Variants in TENM2 observed in about 807,000 individuals in gnomAD.
The protein encoded by TENM2 is teneurin-2.
TENM2 carries 52 observed loss-of-function variants against 245.2 expected under a neutral mutation model. The observed-to-expected ratio is 0.21, with a 90% CI of 0.17 to 0.27. TENM2 has a LOEUF of 0.27. Ranked by LOEUF, TENM2 falls within the 10% of genes least tolerant of loss-of-function variation. TENM2 has a pLI of 1.00. For synonymous variants in TENM2, 1,363 were observed against 1,438.9 expected, an observed-to-expected ratio of 0.95 and a Z score of 1.19; for missense variants, 3,046 against 3,666.8, an observed-to-expected ratio of 0.83 and a Z score of 4.37.
At chr5:167,438,805 C>T (rs62388829) in intron 2 of TENM2, among the ~76,000 whole-genome samples, 96,562 of 151,834 alleles carry the variant, frequency 0.64, 30,904 homozygotes, top group South Asian at 0.72. Context: ...TGATAGTTTG[C>T]TTTTTGAGAC....
the TENM2 span, among the ~76,000 whole-genome samples, chr5:167,094,646 G>A: frequency 1.3e-5 from 2 of 152,158 alleles, no homozygotes; most frequent in Non-Finnish European, 2.9e-5. Context: ...TGTTGAAATG[G>A]TTTAAGTCTT....
chr5:167,684,060 C>T (rs1443719979), intron 2 of TENM2, among the ~76,000 whole-genome samples: 8 of 152,200 alleles, frequency 5.3e-5, no homozygotes, highest in Admixed American at 3.3e-4. Flanking sequence ...ACCACCAGTG[C>T]CAGCTTCTCT....
chr5:167,942,877 T>C (rs1052682950), intron 3 of TENM2, among the ~76,000 whole-genome samples: 2 of 152,248 alleles, frequency 1.3e-5, no homozygotes, highest in African/African-American at 4.8e-5. Flanking sequence ...TTGAGCCATG[T>C]AGTCTTAGGC....
intron 2 of TENM2, among the ~76,000 whole-genome samples, chr5:167,580,031 G>C (rs1312076749): frequency 6.6e-6 from 1 of 152,194 alleles, no homozygotes; most frequent in African/African-American, 2.4e-5. Context: ...TTATAGGCTT[G>C]AAACTGAATG....
chr5:167,840,544 C>G (rs1769407877), intron 2 of TENM2, among the ~76,000 whole-genome samples: 1 of 152,040 alleles, frequency 6.6e-6, no homozygotes, highest in Non-Finnish European at 1.5e-5. Flanking sequence ...CCTCCTTCCT[C>G]CCCCAGCCCC....
chr5:168,051,984 G>A (rs965854392), intron 6 of TENM2, among the ~76,000 whole-genome samples: 1 of 152,120 alleles, frequency 6.6e-6, no homozygotes, highest in Non-Finnish European at 1.5e-5. Context: ...GACCAACCAG[G>A]TGCAGTGGCT....
chr5:167,777,092 AG>A (rs1763860152), intron 2 of TENM2, among the ~76,000 whole-genome samples: 1 of 152,172 alleles, frequency 6.6e-6, no homozygotes, highest in Non-Finnish European at 1.5e-5. Flanking sequence ...TAGAAGGGGG[AG>A]GGTTATTAAA....
the TENM2 span, among the ~76,000 whole-genome samples, chr5:167,182,360 C>T: frequency 1.2e-4 from 18 of 151,918 alleles, no homozygotes; most frequent in Non-Finnish European, 2.1e-4. Context: ...TTTATATTTT[C>T]TTGAGAGACT....
intron 2 of TENM2, among the ~76,000 whole-genome samples, chr5:167,810,776 C>A (rs1766579173): frequency 6.6e-6 from 1 of 152,144 alleles, no homozygotes; most frequent in Non-Finnish European, 1.5e-5. Flanking sequence ...AAGAAATTGC[C>A]ATTAAAGCAA....
At chr5:167,198,932 G>A in the TENM2 span, among the ~76,000 whole-genome samples, 9 of 151,858 alleles carry the variant, frequency 5.9e-5, no homozygotes, top group East Asian at 1.9e-4. Flanking sequence ...CTGGTGAGCC[G>A]TGCTTGGTCT....
In TENM2 at chr5:168,022,364, T is replaced by C. The variant is rs1786226759; in HGVS notation, c.1187-25063T>C. The stretch of plus-strand genomic sequence containing the variant: ...ATTGTGAACATCAATAGTTATTGAA[T>C]TGGTTTTGTCCCAAGGCTTCTTAAA... On this transcript the variant is annotated intron_variant, in intron 5 of 28. Coordinates refer to ENST00000518659, the Ensembl canonical transcript of TENM2. Among the ~76,000 whole-genome samples, 3 of 152,246 alleles carry C rather than the reference T, an allele frequency of 2.0e-5. No homozygotes were observed. In the South Asian group the frequency reaches 6.2e-4, roughly 32 times the overall value.
At chr5:167,828,547 T>C (rs1478577409) in intron 2 of TENM2, among the ~76,000 whole-genome samples, 1 of 152,222 alleles carries the variant, frequency 6.6e-6, no homozygotes, top group East Asian at 1.9e-4. Flanking sequence ...TAATATATCC[T>C]GAATAAATAT....
the TENM2 span, among the ~76,000 whole-genome samples, chr5:167,222,934 A>G: frequency 6.6e-6 from 1 of 152,222 alleles, no homozygotes; most frequent in African/African-American, 2.4e-5. Flanking sequence ...TATTTCATTT[A>G]TAATTTAAAG....
At chr5:167,693,339 A>T (rs867369880) in intron 2 of TENM2, among the ~76,000 whole-genome samples, 26 of 152,274 alleles carry the variant, frequency 1.7e-4, no homozygotes, top group Middle Eastern at 6.8e-3. Context: ...TTAATATGTT[A>T]AAAAAATTCC....
intron 2 of TENM2, among the ~76,000 whole-genome samples, chr5:167,415,340 A>G (rs1202509319): frequency 3.9e-5 from 6 of 152,130 alleles, no homozygotes; most frequent in African/African-American, 7.2e-5. Flanking sequence ...TGTAGCATGT[A>G]TTTTACCTGT....
intron 2 of TENM2, among the ~76,000 whole-genome samples, chr5:167,725,959 C>T (rs1759974234): frequency 6.6e-6 from 1 of 152,158 alleles, no homozygotes; most frequent in Non-Finnish European, 1.5e-5. Context: ...ACCCCGCCCC[C>T]ACATGTCTAG....
chr5:167,568,191 G>C (rs1774031211), intron 2 of TENM2, among the ~76,000 whole-genome samples: 1 of 152,094 alleles, frequency 6.6e-6, no homozygotes, highest in South Asian at 2.1e-4. Context: ...GGAGGAAAGA[G>C]CATTTACTGT....
chr5:167,947,401 A>T (rs879284231), intron 3 of TENM2, among the ~76,000 whole-genome samples: 1 of 152,194 alleles, frequency 6.6e-6, no homozygotes, highest in African/African-American at 2.4e-5. Context: ...TAAGATTACT[A>T]TATCCATTTT....
intron 2 of TENM2, among the ~76,000 whole-genome samples, chr5:167,467,684 TAAG>T (rs1291639395): frequency 2.0e-5 from 3 of 152,118 alleles, no homozygotes; most frequent in African/African-American, 4.8e-5. Flanking sequence ...ATGATGAAAA[TAAG>T]AACATATTTT....
Sources: allele counts gnomAD v4.1 joint callset (sites outside exome capture counted in the v4.1 genomes callset), GRCh38; gene constraint gnomAD v4.1.1; transcripts MANE v1.5; gene names NCBI Gene and HGNC (gene_info 2026-07-23, HGNC 2026-07-21).